Variants in MDGA2 observed in about 807,000 individuals in gnomAD.
MDGA2 encodes the protein MAM domain-containing glycosylphosphatidylinositol anchor protein 2.
MDGA2 carries 40 observed loss-of-function variants against 117.8 expected under a neutral mutation model. That is an observed-to-expected ratio of 0.34 (90% CI 0.26 to 0.44). MDGA2 has a LOEUF of 0.44. Among genes scored for constraint, MDGA2 ranks in the 20% least tolerant of loss-of-function variants. The pLI is 1.00. For synonymous variants in MDGA2, 452 were observed against 439.0 expected, an observed-to-expected ratio of 1.03 and a Z score of -0.37; for missense variants, 1,123 against 1,250.6, an observed-to-expected ratio of 0.90 and a Z score of 1.54.
At chr14:47,404,525 C>T (rs1352345416) in intron 1 of MDGA2, among the ~76,000 whole-genome samples, 1 of 151,798 alleles carries the variant, frequency 6.6e-6, no homozygotes, top group Non-Finnish European at 1.5e-5. Flanking sequence ...GACAGGGTCT[C>T]ACTCTGTTGC....
At chr14:47,205,246 T>G (rs1297419120) in intron 3 of MDGA2, among the ~76,000 whole-genome samples, 1 of 151,958 alleles carries the variant, frequency 6.6e-6, no homozygotes, top group Non-Finnish European at 1.5e-5. Context: ...TCTTGACAAC[T>G]TCAACACTTC....
chr14:47,334,146 T>G (rs1890373496), intron 1 of MDGA2, among the ~76,000 whole-genome samples: 1 of 151,766 alleles, frequency 6.6e-6, no homozygotes, highest in African/African-American at 2.4e-5. Context: ...CAAAAAACCT[T>G]CTTGGCTTTT....
At chr14:47,052,107 C>A (rs951546038) in intron 7 of MDGA2, among the ~76,000 whole-genome samples, 1 of 151,866 alleles carries the variant, frequency 6.6e-6, no homozygotes, top group Non-Finnish European at 1.5e-5. Flanking sequence ...TCACTGTTAT[C>A]ATTTTAAATG....
In MDGA2 at chr14:46,884,016, C is replaced by T. The variant is rs974658958; in HGVS notation, c.2239-1795G>A. Among the ~76,000 whole-genome samples, 1 of 151,892 alleles carries T rather than the reference C, an allele frequency of 6.6e-6. No individual in the cohort carries two copies. The highest frequency in any genetic ancestry group is 1.5e-5 in the Non-Finnish European group (1 of 67,984). On this transcript the variant is annotated intron_variant, in intron 10 of 16. Coordinates refer to ENST00000399232, the MANE Select transcript of MDGA2 (RefSeq NM_001113498.3). This position sits in a 1 kb window ranked among gnomAD's most constrained non-coding sequence, Gnocchi z 4.1. Reference sequence around the variant, plus strand: ...CTTTTATTTGCTTGGTTATTTTTCACTGGTGCTGATAATATGGCTTAAAAT... The same window carrying T: ...CTTTTATTTGCTTGGTTATTTTTCATTGGTGCTGATAATATGGCTTAAAAT...
chr14:47,139,244 T>C (rs1165146404), intron 4 of MDGA2, among the ~76,000 whole-genome samples: 1 of 152,044 alleles, frequency 6.6e-6, no homozygotes, highest in Non-Finnish European at 1.5e-5. Flanking sequence ...AGCTTCACAG[T>C]TCCCTGTTCT....
intron 1 of MDGA2, among the ~76,000 whole-genome samples, chr14:47,392,999 G>A (rs2138441928): frequency 6.6e-6 from 1 of 151,848 alleles, no homozygotes; most frequent in South Asian, 2.1e-4. Flanking sequence ...AGCTTTTGCA[G>A]CTAAAAAAGA....
At chr14:47,368,277 G>A (rs1250685492) in intron 1 of MDGA2, among the ~76,000 whole-genome samples, 3 of 151,812 alleles carry the variant, frequency 2.0e-5, no homozygotes, top group Non-Finnish European at 4.4e-5. Context: ...ACCAAACTCT[G>A]TCTAAACAAA....
chr14:47,048,922 C>G, intron 7 of MDGA2, among the ~76,000 whole-genome samples: 1 of 151,976 alleles, frequency 6.6e-6, no homozygotes, highest in South Asian at 2.1e-4. Context: ...ACATATGGAC[C>G]TAATTTTAAA....
chr14:47,122,327 C>T (rs1340814189), intron 5 of MDGA2, among the ~76,000 whole-genome samples: 1 of 152,074 alleles, frequency 6.6e-6, no homozygotes, highest in Middle Eastern at 3.4e-3. Flanking sequence ...TATGCACCAA[C>T]ATTAATAATT....
chr14:46,932,363 A>C (rs1002704814), intron 9 of MDGA2, among the ~76,000 whole-genome samples: 1 of 152,084 alleles, frequency 6.6e-6, no homozygotes, highest in African/African-American at 2.4e-5. Flanking sequence ...ACATTATATA[A>C]ACTAATTTCC....
intron 1 of MDGA2, among the ~76,000 whole-genome samples, chr14:47,491,022 C>T (rs1379890441): frequency 1.3e-5 from 2 of 152,008 alleles, no homozygotes; most frequent in Admixed American, 6.6e-5. Context: ...CTTTGATACT[C>T]GGACAGTGGG....
chr14:47,113,931 A>G (rs1436729337), intron 5 of MDGA2, among the ~76,000 whole-genome samples: 2 of 152,160 alleles, frequency 1.3e-5, no homozygotes, highest in Non-Finnish European at 2.9e-5. Flanking sequence ...AGAAAGAAAT[A>G]AAGGGTATTC....
At position 47,169,974 on chromosome 14, in the gene MDGA2, G is replaced by C. The variant is rs1335834185; in HGVS notation, c.596-25700C>G. Reference sequence around the variant, plus strand: ...TTCCACATTCACAACATTCCAGTCAGGCCAAGACAATACGATGAATTACTA... The same window carrying C: ...TTCCACATTCACAACATTCCAGTCACGCCAAGACAATACGATGAATTACTA... On this transcript the variant is annotated intron_variant, in intron 3 of 16. Coordinates refer to ENST00000399232, the MANE Select transcript of MDGA2 (RefSeq NM_001113498.3). Among the ~76,000 whole-genome samples the C allele has an allele frequency of 2.6e-5, 4 of 152,164 alleles. No individual in the cohort carries two copies. In the East Asian group the frequency reaches 7.7e-4, roughly 29 times the overall value.
intron 5 of MDGA2, among the ~76,000 whole-genome samples, chr14:47,103,090 C>T (rs760149010): frequency 2.6e-5 from 4 of 152,110 alleles, no homozygotes; most frequent in African/African-American, 9.7e-5. Context: ...TTAAGAGAGA[C>T]GAGGTAAAAA....
intron 5 of MDGA2, among the ~76,000 whole-genome samples, chr14:47,122,525 G>A (rs1023189403): frequency 6.6e-6 from 1 of 151,918 alleles, no homozygotes; most frequent in African/African-American, 2.4e-5. Context: ...CCTAGTATTC[G>A]GAGTGAATAA....
At chr14:47,590,662 T>C (rs1164048169) in intron 1 of MDGA2, among the ~76,000 whole-genome samples, 1 of 151,948 alleles carries the variant, frequency 6.6e-6, no homozygotes, top group East Asian at 1.9e-4. Flanking sequence ...AAGATTATAA[T>C]TGGATTGTTT....
chr14:46,959,045 A>G (rs1341114532), intron 8 of MDGA2, among the ~76,000 whole-genome samples: 1 of 152,084 alleles, frequency 6.6e-6, no homozygotes, highest in Non-Finnish European at 1.5e-5. Flanking sequence ...AATTCATAAG[A>G]GTATGTTAAA....
At chr14:46,910,627 G>C (rs1883661975) in intron 10 of MDGA2, among the ~76,000 whole-genome samples, 1 of 152,066 alleles carries the variant, frequency 6.6e-6, no homozygotes, top group Non-Finnish European at 1.5e-5. Context: ...GGGAGTTCTG[G>C]CCAGAGCAAT....
intron 1 of MDGA2, among the ~76,000 whole-genome samples, chr14:47,450,513 C>G (rs1893219593): frequency 6.6e-6 from 1 of 151,952 alleles, no homozygotes. Context: ...AAGAGATTCT[C>G]CAAATGAAAT....
Sources: allele counts gnomAD v4.1 joint callset (sites outside exome capture counted in the v4.1 genomes callset), GRCh38; gene constraint gnomAD v4.1.1; non-coding constraint Gnocchi (gnomAD v3.1); transcripts MANE v1.5; gene names NCBI Gene and HGNC (gene_info 2026-07-23, HGNC 2026-07-21).